The following RNPEP variants were observed in gnomAD, a reference collection of about 807,000 sequenced individuals.
RNPEP encodes the protein aminopeptidase B.
A neutral mutation model predicts 70.1 loss-of-function variants in RNPEP; 57 were observed. The ratio of observed to expected loss-of-function variants is 0.81; its 90% CI spans 0.66 to 1.01. RNPEP has a LOEUF of 1.01. Among genes scored for constraint, RNPEP ranks in the 50% least tolerant of loss-of-function variants. The pLI, the probability that RNPEP is intolerant of heterozygous loss-of-function variation, is 0.00. For missense variants in RNPEP, 787 were observed against 852.4 expected, an observed-to-expected ratio of 0.92 and a Z score of 0.96; for synonymous variants, 335 against 357.4, an observed-to-expected ratio of 0.94 and a Z score of 0.71.
chr1:201,994,550 C>A (rs1283777886), intron 3 of RNPEP, among the ~76,000 whole-genome samples: 2 of 152,162 alleles, frequency 1.3e-5, no homozygotes, highest in Non-Finnish European at 2.9e-5. Context: ...TTGGGAAGTA[C>A]CTGATACTGG....
intron 5 of RNPEP, among the ~76,000 whole-genome samples, chr1:201,999,041 C>A (rs912017355): frequency 2.0e-5 from 3 of 152,072 alleles, no homozygotes; most frequent in East Asian, 1.9e-4. Flanking sequence ...AATGGTGAAA[C>A]CCCCGTCTCT....
intron 4 of RNPEP, among the ~76,000 whole-genome samples, chr1:201,996,826 T>G (rs529129991): frequency 6.6e-6 from 1 of 152,294 alleles, no homozygotes; most frequent in South Asian, 2.1e-4. Context: ...AAATGTGACC[T>G]GCAGTTGCCA....
Position 202,005,576 on chromosome 1 carries a change from CTT to C in RNPEP, c.1814_1815del (p.Leu605ProfsTer11), listed in dbSNP as rs750246610. On this transcript the variant is annotated frameshift_variant, in exon 11 of 11. Coordinates refer to ENST00000295640, the MANE Select transcript of RNPEP (RefSeq NM_020216.4). LOFTEE classifies it high-confidence loss of function. Reference sequence around the variant, plus strand: ...CTTGCAGGGGAAGCAGAAGTATACACTTCCGCTGTACCACGCAATGATGGGTG... The same window carrying C: ...CTTGCAGGGGAAGCAGAAGTATACACCCGCTGTACCACGCAATGATGGGTG... ...LHNQGKQKYT[L>X]PLYHAMMGGS... 3 of 1,614,216 alleles carry C rather than the reference CTT, an allele frequency of 1.9e-6. No homozygotes were observed. The Admixed American group carries it at 5.0e-5, about 27-fold the overall frequency.
At chr1:201,997,732 CT>C (rs1183377970) in intron 5 of RNPEP, among the ~76,000 whole-genome samples, 178 bp downstream of exon 5, 1 of 147,400 alleles carries the variant, frequency 6.8e-6, no homozygotes, top group Non-Finnish European at 1.5e-5. Context: ...TGACAACTGA[CT>C]TTTTTTTAAA....
chr1:202,002,811 C>G (rs1177481711), intron 8 of RNPEP, among the ~76,000 whole-genome samples: 2 of 152,202 alleles, frequency 1.3e-5, no homozygotes, highest in Non-Finnish European at 2.9e-5. Context: ...ATCACCCCCA[C>G]TTTATAGATA....
chr1:201,984,824 T>TTTTTTTTTTC (rs1683072498), intron 1 of RNPEP, among the ~76,000 whole-genome samples: 2 of 9,286 alleles, frequency 2.2e-4, no homozygotes, highest in Admixed American at 1.1e-3. Context: ...TTTCTTTCTT[T>TTTTTTTTTTC]TTTTTTTTTT....
chr1:201,983,358 T>G (rs998261087), intron 1 of RNPEP: 41 of 1,497,232 alleles, frequency 2.7e-5, no homozygotes, highest in Non-Finnish European at 3.5e-5. Flanking sequence ...CTTCACCCTT[T>G]CCGTCCTTCC....
At chr1:201,997,106 A>G (rs1042047369) in intron 4 of RNPEP, among the ~76,000 whole-genome samples, 1 of 152,014 alleles carries the variant, frequency 6.6e-6, no homozygotes, top group East Asian at 1.9e-4. Flanking sequence ...AGCAGACACC[A>G]CCTCGATGAG....
intron 6 of RNPEP, 185 bp from the exon 7 acceptor site, chr1:202,001,191 T>G: frequency 3.4e-6 from 2 of 592,696 alleles, no homozygotes; most frequent in Non-Finnish European, 3.0e-6. Flanking sequence ...GAGAGAGTCT[T>G]GGCCTTGAGA....
intron 10 of RNPEP, among the ~76,000 whole-genome samples, chr1:202,004,726 G>A (rs953690428): frequency 6.6e-6 from 1 of 152,242 alleles, no homozygotes; most frequent in Non-Finnish European, 1.5e-5. Flanking sequence ...AATTCAGCTG[G>A]TGAGACCCCA....
Position 202,004,514 on chromosome 1 carries a change from C to T in RNPEP, c.1794+18C>T, listed in dbSNP as rs758306056. 1.9e-5 allele frequency: 31 copies of T among 1,611,198 alleles called. No homozygotes were observed. The highest frequency in any genetic ancestry group is 3.3e-5 in the South Asian group (3 of 91,044). On this transcript the variant is annotated intron_variant, in intron 10 of 10. Coordinates refer to ENST00000295640, the MANE Select transcript of RNPEP (RefSeq NM_020216.4). Reference sequence around the variant, plus strand: ...ATAACCAGGTGGGTGACCCCTGCCTCGCTGTTCCCGAAAGCACACTGGGAC... The same window carrying T: ...ATAACCAGGTGGGTGACCCCTGCCTTGCTGTTCCCGAAAGCACACTGGGAC...
Position 201,996,270 on chromosome 1 carries a change from T to G in RNPEP, c.854+7T>G, listed in dbSNP as rs964147792. ...GACCTTATGTTTGGGGAAGGTGTGG[T>G]ATCACATTGACTCTAGTGTCTCCTG... On this transcript the variant is annotated splice_region_variant and intron_variant, in intron 4 of 10. Transcript: ENST00000295640. 5.7e-6 allele frequency: 9 copies of G among 1,567,450 alleles called. No individual in the cohort carries two copies. The highest frequency in any genetic ancestry group is 7.9e-6 in the Non-Finnish European group (9 of 1,137,524).
At chr1:201,983,821 T>A in intron 1 of RNPEP, 3 of 1,052,836 alleles carry the variant, frequency 2.8e-6, no homozygotes, top group Non-Finnish European at 3.4e-6. Context: ...GTGGCTTATG[T>A]CTGTAAGAGT....
chr1:201,995,390 T>A (rs1470184979), intron 3 of RNPEP, among the ~76,000 whole-genome samples: 1 of 152,166 alleles, frequency 6.6e-6, no homozygotes, highest in Non-Finnish European at 1.5e-5. Flanking sequence ...CTATTAACAT[T>A]AGTAGGTTTG....
Position 202,005,903 on chromosome 1 carries a change from C to T in RNPEP, c.*187C>T. 2 of 666,914 alleles carry T rather than the reference C, an allele frequency of 3.0e-6. No individual in the cohort carries two copies. Among genetic ancestry groups the T allele is most frequent in the East Asian group, 5.6e-5 (2 of 35,898 alleles). 41.3% of individuals were successfully genotyped at this position (666,914 alleles called of 1,614,324 possible). A position where few individuals can be genotyped will look rare whatever the true frequency, so the allele number is the denominator to read the frequency against. On this transcript the variant is annotated 3_prime_UTR_variant, in exon 11 of 11. Transcript: ENST00000295640. The stretch of plus-strand genomic sequence containing the variant: ...GGTGGGAACTTACTTCTCTATAGCC[C>T]ACTGAGCCCCGAGACAGAGAACCTG...
rs368332702 is a variant in RNPEP, at chr1:202,004,545, C to T, written c.1794+49C>T. The T allele has an allele frequency of 4.4e-5, 70 of 1,602,310 alleles. 3 individuals carry two copies. The highest frequency in any genetic ancestry group is 1.7e-4 in the Admixed American group (10 of 59,680). On this transcript the variant is annotated intron_variant, in intron 10 of 10. Coordinates refer to ENST00000295640, the MANE Select transcript of RNPEP (RefSeq NM_020216.4). Reference sequence around the variant, plus strand: ...TCCCGAAAGCACACTGGGACCCACTCGGCCATATGTGAAGTAATCATGTGG... The same window carrying T: ...TCCCGAAAGCACACTGGGACCCACTTGGCCATATGTGAAGTAATCATGTGG...
intron 9 of RNPEP, 78 bp from the exon 10 acceptor site, chr1:202,004,276 C>T: frequency 3.9e-6 from 6 of 1,533,954 alleles, no homozygotes; most frequent in Non-Finnish European, 3.6e-6. Context: ...GATCCGCCCA[C>T]CTCAGCCTCC....
At chr1:201,985,602 C>T (rs6689405) in intron 1 of RNPEP, among the ~76,000 whole-genome samples, 83,752 of 151,782 alleles carry the variant, frequency 0.55, 23,431 homozygotes, top group Non-Finnish European at 0.6. Context: ...AGTTCAGTAC[C>T]TCCTACATAC....
intron 5 of RNPEP, 86 bp downstream of exon 5, chr1:201,997,640 T>C: frequency 9.7e-7 from 1 of 1,030,514 alleles, no homozygotes; most frequent in Non-Finnish European, 1.5e-6. Flanking sequence ...GGTTTCAGAA[T>C]ACAAGTGGGT....
Sources: gnomAD v4.1 joint callset for allele counts (sites outside exome capture counted in the v4.1 genomes callset) on GRCh38, gnomAD v4.1.1 for gene constraint, MANE v1.5 for transcripts, NCBI Gene and HGNC (gene_info 2026-07-23, HGNC 2026-07-21) for gene names.